The following AFF1 variants were observed in gnomAD, a reference collection of about 807,000 sequenced individuals.
The protein encoded by AFF1 is ALF transcription elongation factor 1.
AFF1 carries 48 observed loss-of-function variants against 121.7 expected under a neutral mutation model. That is an observed-to-expected ratio of 0.39 (90% CI 0.31 to 0.50). The LOEUF (loss-of-function observed/expected upper bound fraction) is 0.50. Among genes scored for constraint, AFF1 ranks in the 20% least tolerant of loss-of-function variants. The pLI is 0.76. For missense variants in AFF1, 1,523 were observed against 1,511.7 expected, an observed-to-expected ratio of 1.01 and a Z score of -0.12; for synonymous variants, 613 against 563.0, an observed-to-expected ratio of 1.09 and a Z score of -1.26.
In AFF1 at chr4:87,139,294, G is replaced by A. The variant is rs2149813520; in HGVS notation, c.*3593G>A. The stretch of plus-strand genomic sequence containing the variant: ...TTTATGAAGTTTGAGTTGTATTTGT[G>A]CATCTTAAAGTAGGTTGAGGCTTGA... On this transcript the variant is annotated 3_prime_UTR_variant, in exon 21 of 21. Transcript: ENST00000395146. 2 of 232,872 alleles carry A rather than the reference G, an allele frequency of 8.6e-6. No homozygotes were observed. The highest frequency in any genetic ancestry group is 1.3e-3 in the Middle Eastern group (1 of 784). 14.4% of individuals were successfully genotyped at this position (232,872 alleles called of 1,614,324 possible). A position where few individuals can be genotyped will look rare whatever the true frequency, so the allele number is the denominator to read the frequency against.
intron 2 of AFF1, among the ~76,000 whole-genome samples, chr4:87,040,123 G>A (rs1729982501): frequency 6.6e-6 from 1 of 152,076 alleles, no homozygotes; most frequent in South Asian, 2.1e-4. Context: ...AACCCCTGAC[G>A]ACCTCAGGTG....
chr4:87,107,951 T>C (rs1726087115), intron 10 of AFF1, among the ~76,000 whole-genome samples: 1 of 152,214 alleles, frequency 6.6e-6, no homozygotes, highest in Non-Finnish European at 1.5e-5. Context: ...GGCTTCTCTT[T>C]TATGCATTTA....
intron 19 of AFF1, among the ~76,000 whole-genome samples, chr4:87,133,784 C>CT (rs1003432474): frequency 6.6e-6 from 1 of 152,182 alleles, no homozygotes; most frequent in South Asian, 2.1e-4. Flanking sequence ...TTCATTAACT[C>CT]TTTTTTATTT....
At chr4:87,018,058 TCTG>T (rs966150150) in intron 2 of AFF1, among the ~76,000 whole-genome samples, 2 of 152,204 alleles carry the variant, frequency 1.3e-5, no homozygotes, top group African/African-American at 4.8e-5. Flanking sequence ...GTTACTGAAA[TCTG>T]CTGCTCTGCA....
At chr4:86,961,349 T>C (rs942260007) in intron 2 of AFF1, among the ~76,000 whole-genome samples, 4 of 152,196 alleles carry the variant, frequency 2.6e-5, no homozygotes, top group Non-Finnish European at 4.4e-5. Flanking sequence ...CCCTGTTCCC[T>C]TTTTGTCTTT....
At chr4:87,016,116 G>A (rs1353421384) in intron 2 of AFF1, among the ~76,000 whole-genome samples, 1 of 151,798 alleles carries the variant, frequency 6.6e-6, no homozygotes, top group East Asian at 1.9e-4. Flanking sequence ...GGGAGGTGGA[G>A]GTTGCAGTTA....
At chr4:87,116,846 G>T (rs1027070230) in intron 12 of AFF1, among the ~76,000 whole-genome samples, 1 of 152,046 alleles carries the variant, frequency 6.6e-6, no homozygotes, top group Non-Finnish European at 1.5e-5. Context: ...GTGTGTGTGT[G>T]TATGTGTGTG....
At chr4:86,951,658 C>CT (rs1175076753) in intron 2 of AFF1, among the ~76,000 whole-genome samples, 2 of 128,846 alleles carry the variant, frequency 1.6e-5, no homozygotes, top group East Asian at 4.4e-4. Flanking sequence ...GAGTCTCCCT[C>CT]TGTCACCAGG....
rs111862348 is a variant in AFF1, at chr4:87,129,980, C to CTT, written c.2965-1092_2965-1091dup. ...TTTCTTTCTTTCTTTTTTTCTTTTT[C>CTT]TTTTTTTTTTTTGAGCCAGAGTCTT... On this transcript the variant is annotated intron_variant, in intron 16 of 20. Transcript: ENST00000395146. 1.3e-3 allele frequency among the ~76,000 whole-genome samples: 188 copies of CTT among 144,630 alleles called. 2 individuals carry two copies. The highest frequency in any genetic ancestry group is 9.7e-4 in the Non-Finnish European group (64 of 65,918). The allele number at this position is 144,630 out of a possible 152,430, so 94.9% of individuals were successfully genotyped here.
At chr4:87,066,661 C>G (rs149656571) in intron 4 of AFF1, among the ~76,000 whole-genome samples, 205 of 152,284 alleles carry the variant, frequency 1.3e-3, no homozygotes, top group African/African-American at 4.6e-3. Context: ...CCTGTCTTTA[C>G]TTTCCCCTCT....
chr4:87,020,143 T>G (rs6851927), intron 2 of AFF1, among the ~76,000 whole-genome samples: 6,782 of 152,292 alleles, frequency 0.045, 491 homozygotes, highest in African/African-American at 0.15. Context: ...TTTTGTCCTT[T>G]GTGTATCACA....
chr4:87,138,278 T>A lies in AFF1; in HGVS notation c.*2577T>A, dbSNP rs1729456297. The A allele has an allele frequency of 4.3e-6, 1 of 232,554 alleles. No individual in the cohort carries two copies. The highest frequency in any genetic ancestry group is 1.8e-4 in the South Asian group (1 of 5,528). The allele number at this position is 232,554 out of a possible 1,614,324, so 14.4% of individuals were successfully genotyped here. A position where few individuals can be genotyped will look rare whatever the true frequency, so the allele number is the denominator to read the frequency against. ...TGTATATAGAGGTCTGAAGGATTTT[T>A]AAAATGATTTGCACTTTTTCACTGC... On this transcript the variant is annotated 3_prime_UTR_variant, in exon 21 of 21. Coordinates refer to ENST00000395146, the MANE Select transcript of AFF1 (RefSeq NM_001166693.3).
At chr4:86,970,224 A>T (rs1488126395) in intron 2 of AFF1, among the ~76,000 whole-genome samples, 4 of 152,188 alleles carry the variant, frequency 2.6e-5, no homozygotes, top group Non-Finnish European at 5.9e-5. Flanking sequence ...ATAGTGGCTC[A>T]CACTTGTAAT....
intron 2 of AFF1, among the ~76,000 whole-genome samples, chr4:87,001,047 G>T (rs1725672306): frequency 1.3e-5 from 2 of 151,982 alleles, no homozygotes; most frequent in South Asian, 4.2e-4. Context: ...TTACCTGGAT[G>T]TGTTTAATGA....
intron 2 of AFF1, among the ~76,000 whole-genome samples, chr4:86,953,569 G>A (rs1053971456): frequency 3.3e-5 from 5 of 152,010 alleles, no homozygotes; most frequent in African/African-American, 4.8e-5. Flanking sequence ...CAGATTTATC[G>A]GCACTTGACA....
chr4:87,078,875 G>A (rs1722917914), intron 4 of AFF1, among the ~76,000 whole-genome samples: 1 of 151,806 alleles, frequency 6.6e-6, no homozygotes, highest in African/African-American at 2.4e-5. Flanking sequence ...TGATAATGTT[G>A]GCACCGCCTG....
intron 2 of AFF1, among the ~76,000 whole-genome samples, chr4:87,033,927 G>A (rs1729306521): frequency 6.6e-6 from 1 of 152,136 alleles, no homozygotes; most frequent in South Asian, 2.1e-4. Context: ...TGACCTGATG[G>A]GTTAGTGCTG....
intron 2 of AFF1, among the ~76,000 whole-genome samples, chr4:87,045,927 C>T (rs1233266170): frequency 4.6e-5 from 7 of 152,094 alleles, no homozygotes; most frequent in Admixed American, 3.9e-4. Context: ...GAGACCATGG[C>T]CCAGAGTGAA....
intron 2 of AFF1, among the ~76,000 whole-genome samples, chr4:87,045,183 T>C (rs80021868): frequency 0.042 from 6,407 of 152,276 alleles, 431 homozygotes; most frequent in African/African-American, 0.15. Context: ...CCGAAGGTAC[T>C]GACCGACAGC....
Sources: gnomAD v4.1 joint callset for allele counts (sites outside exome capture counted in the v4.1 genomes callset) on GRCh38, gnomAD v4.1.1 for gene constraint, MANE v1.5 for transcripts, NCBI Gene and HGNC (gene_info 2026-07-23, HGNC 2026-07-21) for gene names.